Variants in LMO2 observed in about 807,000 individuals in gnomAD.
LMO2 encodes the protein LIM domain only 2.
LMO2 carries 20 observed loss-of-function variants against 23.2 expected under a neutral mutation model. The ratio of observed to expected loss-of-function variants is 0.86; its 90% CI spans 0.61 to 1.25. LMO2 has a LOEUF of 1.25. LMO2 is among the 50% of genes most tolerant of loss of function. The pLI is 0.00. For synonymous variants in LMO2, 123 were observed against 130.2 expected (o/e 0.94, Z 0.38); for missense variants, 270 against 315.3 (o/e 0.86, Z 1.09).
chr11:33,870,406 G>A, intron 2 of LMO2: 1 of 985,608 alleles, frequency 1.0e-6, no homozygotes, highest in South Asian at 4.7e-5. Flanking sequence ...CCAGGTCCAC[G>A]GACGCCGTGC....
intron 1 of LMO2, among the ~76,000 whole-genome samples, chr11:33,889,549 T>C (rs1352364668): frequency 1.3e-5 from 2 of 152,228 alleles, no homozygotes; most frequent in Non-Finnish European, 2.9e-5. Flanking sequence ...TGTTCATTCA[T>C]CTGTCAGCTA....
intron 1 of LMO2, among the ~76,000 whole-genome samples, chr11:33,891,375 ACACACACACACACATG>A (rs895361627): frequency 1.5e-5 from 2 of 133,680 alleles, no homozygotes; most frequent in African/African-American, 2.8e-5. Flanking sequence ...ACACACACAC[ACACACACACACACATG>A]CACACACACT....
rs1464795912 is a variant in LMO2, at chr11:33,869,915, C to T, written c.-199G>A. ...GGGGAGGGGACCGTGCGTCTCTCTC[C>T]GGGCTTCCTCCTCTCTCGGGAAGGT... On this transcript the variant is annotated 5_prime_UTR_variant, in exon 3 of 6. Coordinates refer to ENST00000257818, the MANE Select transcript of LMO2 (RefSeq NM_005574.4). 1 of 1,050,646 alleles carries T rather than the reference C, an allele frequency of 9.5e-7. No homozygotes were observed. The allele number at this position is 1,050,646 out of a possible 1,614,324, so 65.1% of individuals were successfully genotyped here. A position where few individuals can be genotyped will look rare whatever the true frequency, so the allele number is the denominator to read the frequency against.
At chr11:33,869,242 G>A (rs1474632049) in intron 4 of LMO2, 104 bp downstream of exon 4, 11 of 824,194 alleles carry the variant, frequency 1.3e-5, no homozygotes, top group Middle Eastern at 5.1e-4. Flanking sequence ...CACGCCGCGA[G>A]CGCGCACCTG....
intron 1 of LMO2, among the ~76,000 whole-genome samples, chr11:33,891,346 AACACACAC>A (rs57617009): frequency 4.8e-4 from 60 of 125,058 alleles, no homozygotes; most frequent in Admixed American, 1.0e-3. Context: ...TTGTTAGGCA[AACACACAC>A]ACACACACAC....
intron 1 of LMO2, among the ~76,000 whole-genome samples, chr11:33,884,661 A>T (rs1857363466): frequency 6.6e-6 from 1 of 152,174 alleles, no homozygotes; most frequent in South Asian, 2.1e-4. Context: ...GCTACAGGGG[A>T]CATCCAAGTC....
At chr11:33,890,193 T>C (rs546444144) in intron 1 of LMO2, among the ~76,000 whole-genome samples, 1 of 152,112 alleles carries the variant, frequency 6.6e-6, no homozygotes, top group East Asian at 1.9e-4. Flanking sequence ...TGTGGTGATA[T>C]CAATCTGGTG....
rs540433877 is a variant in LMO2 at position 33,876,982 on chromosome 11, T to G, written c.-272+4842A>C. ...AATGGATGGCAGCTATTATTAGAAT[T>G]AACTAAGCAAAGAGAACCTCAGAGG... On this transcript the variant is annotated intron_variant, in intron 2 of 5. Coordinates refer to ENST00000257818, the MANE Select transcript of LMO2 (RefSeq NM_005574.4). Among the ~76,000 whole-genome samples the G allele has an allele frequency of 3.3e-5, 5 of 152,356 alleles. No individual in the cohort carries two copies. In the South Asian group the frequency reaches 1.0e-3, roughly 32 times the overall value.
intron 2 of LMO2, 83 bp from the exon 3 acceptor site, chr11:33,870,070 CTTTT>C (rs10608793): frequency 0.013 from 2,977 of 238,102 alleles, 2 homozygotes; most frequent in Middle Eastern, 0.019. Context: ...TTTTTTCTTC[CTTTT>C]TTTTTTTTTT....
intron 2 of LMO2, among the ~76,000 whole-genome samples, chr11:33,871,807 G>A (rs767563881): frequency 1.3e-5 from 2 of 152,052 alleles, no homozygotes; most frequent in African/African-American, 4.8e-5. Flanking sequence ...GAACCCAACT[G>A]CCTGGGTTTG....
chr11:33,867,905 G>A (rs1391289208), intron 4 of LMO2, among the ~76,000 whole-genome samples: 1 of 152,180 alleles, frequency 6.6e-6, no homozygotes, highest in Non-Finnish European at 1.5e-5. Flanking sequence ...CTCCCTTATT[G>A]TGTTACTATG....
chr11:33,884,627 G>T (rs936704589), intron 1 of LMO2, among the ~76,000 whole-genome samples: 3 of 152,162 alleles, frequency 2.0e-5, no homozygotes, highest in African/African-American at 7.2e-5. Flanking sequence ...GGGCAGGAGG[G>T]CTCCTAAAAC....
chr11:33,870,462 G>A, intron 2 of LMO2: 2 of 966,884 alleles, frequency 2.1e-6, no homozygotes, highest in South Asian at 4.7e-5. Flanking sequence ...GCGGGCTACG[G>A]GCTGCGGGCC....
intron 5 of LMO2, among the ~76,000 whole-genome samples, chr11:33,862,603 C>T (rs540998022): frequency 8.2e-5 from 1 of 12,248 alleles, no homozygotes; most frequent in Non-Finnish European, 4.4e-4. Flanking sequence ...GACAAGTTAT[C>T]CTAGGGGTGA....
In LMO2 at chr11:33,858,612, T is replaced by C. The variant is rs878989047; in HGVS notation, c.*744A>G. 2.6e-5 allele frequency: 1 copy of C among 39,132 alleles called. No homozygotes were observed. Among genetic ancestry groups the C allele is most frequent in the Non-Finnish European group, 5.0e-5 (1 of 20,074 alleles). 2.4% of individuals were successfully genotyped at this position (39,132 alleles called of 1,614,324 possible). A position where few individuals can be genotyped will look rare whatever the true frequency, so the allele number is the denominator to read the frequency against. On this transcript the variant is annotated 3_prime_UTR_variant, in exon 6 of 6. Coordinates refer to ENST00000257818, the MANE Select transcript of LMO2 (RefSeq NM_005574.4). ...CATTTTTATTAAGCCTGCAGAGCTG[T>C]TTTTTTTTCTACACACGACAAATAC...
At chr11:33,860,529 T>C (rs1856531597) in intron 5 of LMO2, among the ~76,000 whole-genome samples, 2 of 152,184 alleles carry the variant, frequency 1.3e-5, no homozygotes, top group African/African-American at 4.8e-5. Flanking sequence ...TTTGGGAGGC[T>C]GAGGCAGGCA....
At chr11:33,860,008 T>G (rs943858679) in intron 5 of LMO2, among the ~76,000 whole-genome samples, 1 of 152,114 alleles carries the variant, frequency 6.6e-6, no homozygotes, top group Middle Eastern at 3.4e-3. Flanking sequence ...AGGAATGCAA[T>G]AAAACGGGCA....
chr11:33,870,494 G>T, intron 2 of LMO2: 1 of 986,798 alleles, frequency 1.0e-6, no homozygotes, highest in South Asian at 4.7e-5. Context: ...GCTCCGGGCT[G>T]CGGGCTCCGG....
chr11:33,873,203 C>T (rs538340584), intron 2 of LMO2, among the ~76,000 whole-genome samples: 6 of 152,216 alleles, frequency 3.9e-5, no homozygotes, highest in South Asian at 2.1e-4. Context: ...CAGGGCATAA[C>T]GTTTCTTTTT....
Sources: allele counts gnomAD v4.1 joint callset (sites outside exome capture counted in the v4.1 genomes callset), GRCh38; gene constraint gnomAD v4.1.1; transcripts MANE v1.5; gene names NCBI Gene and HGNC (gene_info 2026-07-23, HGNC 2026-07-21).